The following LRRC4C variants were observed in gnomAD, a reference collection of about 807,000 sequenced individuals.
The protein encoded by LRRC4C is leucine rich repeat containing 4C, also known as leucine-rich repeat-containing protein 4C.
In LRRC4C, 5 loss-of-function variants were observed where a neutral mutation model predicts 33.6. The ratio of observed to expected loss-of-function variants is 0.15; its 90% CI spans 0.08 to 0.31. The LOEUF (loss-of-function observed/expected upper bound fraction) is 0.31. LRRC4C is among the 10% of genes least tolerant of loss of function. The pLI, the probability that LRRC4C is intolerant of heterozygous loss-of-function variation, is 1.00. For synonymous variants in LRRC4C, 329 were observed against 302.0 expected (o/e 1.09, Z -0.93); for missense variants, 560 against 796.7 (o/e 0.70, Z 3.58).
intron 2 of LRRC4C, among the ~76,000 whole-genome samples, chr11:40,818,877 C>T (rs117724878): frequency 1.3e-5 from 2 of 152,098 alleles, no homozygotes; most frequent in African/African-American, 2.4e-5. Context: ...TAGCCTGTCA[C>T]TTCACTGAGG....
intron 2 of LRRC4C, among the ~76,000 whole-genome samples, chr11:40,820,688 C>T (rs1028599784): frequency 3.3e-5 from 5 of 151,736 alleles, no homozygotes; most frequent in African/African-American, 1.2e-4. Flanking sequence ...TAGAAGTAAA[C>T]ACCTTCATCT....
intron 5 of LRRC4C, among the ~76,000 whole-genome samples, chr11:40,198,894 T>G (rs116331971): frequency 6.6e-6 from 1 of 152,154 alleles, no homozygotes; most frequent in Non-Finnish European, 1.5e-5. Flanking sequence ...TCTCTAGAAG[T>G]TCCCCCCAGA....
intron 1 of LRRC4C, among the ~76,000 whole-genome samples, chr11:41,229,233 C>A (rs531019665): frequency 2.0e-5 from 3 of 152,174 alleles, no homozygotes; most frequent in Admixed American, 6.5e-5. Flanking sequence ...CAACAATGTG[C>A]ACACATAGAG....
chr11:40,987,638 TATATATATATATATCTC>T (rs769127984), intron 1 of LRRC4C, among the ~76,000 whole-genome samples: 1,161 of 74,504 alleles, frequency 0.016, 49 homozygotes, highest in African/African-American at 0.02. Context: ...ATGATATATA[TATATATATATATATCTC>T]ATATATATGA....
chr11:40,252,070 G>T (rs1866828307), intron 4 of LRRC4C, among the ~76,000 whole-genome samples: 1 of 152,060 alleles, frequency 6.6e-6, no homozygotes, highest in Non-Finnish European at 1.5e-5. Flanking sequence ...TTGATGACAT[G>T]ATTCAGGTGA....
chr11:40,732,289 G>A (rs773946605), intron 2 of LRRC4C, among the ~76,000 whole-genome samples: 8 of 152,110 alleles, frequency 5.3e-5, no homozygotes, highest in Non-Finnish European at 7.4e-5. Context: ...ACTCAAGGAG[G>A]TACAATAATT....
At chr11:40,565,244 G>T (rs578077221) in intron 3 of LRRC4C, among the ~76,000 whole-genome samples, 22 of 152,144 alleles carry the variant, frequency 1.4e-4, no homozygotes, top group Non-Finnish European at 2.8e-4. Flanking sequence ...GTGAGTCTGT[G>T]CATCATAAGA....
chr11:41,341,286 A>G (rs1951629285), intron 1 of LRRC4C, among the ~76,000 whole-genome samples: 1 of 152,102 alleles, frequency 6.6e-6, no homozygotes, highest in African/African-American at 2.4e-5. Context: ...GTTTTCGATT[A>G]AAAAAACTAA....
chr11:41,049,727 T>C (rs1387482808), intron 1 of LRRC4C, among the ~76,000 whole-genome samples: 1 of 152,224 alleles, frequency 6.6e-6, no homozygotes, highest in Admixed American at 6.5e-5. Context: ...TGATTCCATC[T>C]GGGCATTGGT....
chr11:40,465,205 C>G, intron 3 of LRRC4C, among the ~76,000 whole-genome samples: 1 of 151,784 alleles, frequency 6.6e-6, no homozygotes, highest in East Asian at 1.9e-4. Context: ...AACATACTCT[C>G]AAGAAAGAAA....
Position 41,150,787 on chromosome 11 carries a change from TAAATAAAATAAAATA to T in LRRC4C, c.-495-217079_-495-217065del, listed in dbSNP as rs145554538. 8.6e-3 allele frequency among the ~76,000 whole-genome samples: 1,283 copies of T among 148,646 alleles called. 27 individuals carry two copies. Among genetic ancestry groups the T allele is most frequent in the African/African-American group, 0.029 (1,195 of 40,540 alleles). On this transcript the variant is annotated intron_variant, in intron 1 of 6. Coordinates refer to ENST00000528697, the MANE Select transcript of LRRC4C (RefSeq NM_001258419.2). ...CTCCATCTCAAAATAAATAAATAAATAAATAAAATAAAATAAAATAAAATAAAATAAAATAAATAA... is the reference window on the plus strand; with the variant it reads ...CTCCATCTCAAAATAAATAAATAAATAAATAAAATAAAATAAAATAAATAA...
At chr11:40,724,986 C>T (rs986462825) in intron 2 of LRRC4C, among the ~76,000 whole-genome samples, 3 of 152,138 alleles carry the variant, frequency 2.0e-5, no homozygotes, top group African/African-American at 7.2e-5. Flanking sequence ...GGAAGATTCC[C>T]TCCCTTACTT....
At chr11:40,866,426 T>A (rs1954373840) in intron 2 of LRRC4C, among the ~76,000 whole-genome samples, 2 of 152,196 alleles carry the variant, frequency 1.3e-5, no homozygotes, top group Admixed American at 1.3e-4. Context: ...ACGTACATTT[T>A]CAATTATGCT....
rs539126102 is a variant in LRRC4C, at chr11:40,592,843, T to C, written c.-270+55299A>G. ...ATGAACCAGCTCTACTGGGTGTATCTTGTCTTTGGTTGAGAGAATGCTGAC... is the reference window on the plus strand; with the variant it reads ...ATGAACCAGCTCTACTGGGTGTATCCTGTCTTTGGTTGAGAGAATGCTGAC... On this transcript the variant is annotated intron_variant, in intron 3 of 6. Transcript: ENST00000528697. Among the ~76,000 whole-genome samples, 11 of 152,300 alleles carry C rather than the reference T, an allele frequency of 7.2e-5. 1 individual carries two copies. The South Asian group carries it at 2.3e-3, about 32-fold the overall frequency.
At chr11:40,785,281 C>T (rs1950368476) in intron 2 of LRRC4C, among the ~76,000 whole-genome samples, 1 of 152,148 alleles carries the variant, frequency 6.6e-6, no homozygotes, top group Non-Finnish European at 1.5e-5. Context: ...TCAGTCCCAT[C>T]ATTTTTCTAT....
At chr11:41,328,280 G>A (rs1951185001) in intron 1 of LRRC4C, among the ~76,000 whole-genome samples, 1 of 152,198 alleles carries the variant, frequency 6.6e-6, no homozygotes, top group Non-Finnish European at 1.5e-5. Context: ...TGCTGGAGGA[G>A]TGCTCCCCCT....
chr11:41,298,459 C>T (rs148375544), intron 1 of LRRC4C, among the ~76,000 whole-genome samples: 4 of 151,524 alleles, frequency 2.6e-5, no homozygotes, highest in African/African-American at 7.3e-5. Flanking sequence ...GTAAGCTAAA[C>T]GCAGTCATTA....
At chr11:40,833,239 T>C (rs916281081) in intron 2 of LRRC4C, among the ~76,000 whole-genome samples, 14 of 152,130 alleles carry the variant, frequency 9.2e-5, no homozygotes, top group African/African-American at 3.4e-4. Context: ...AAGTCTCTGC[T>C]GGGCATTATT....
intron 1 of LRRC4C, among the ~76,000 whole-genome samples, chr11:41,052,621 C>A (rs192393853): frequency 6.6e-4 from 100 of 151,936 alleles, no homozygotes; most frequent in African/African-American, 2.4e-3. Context: ...AGAAAAAAAT[C>A]TCATGTCTCT....
Sources: gnomAD v4.1 joint callset for allele counts (sites outside exome capture counted in the v4.1 genomes callset) on GRCh38, gnomAD v4.1.1 for gene constraint, MANE v1.5 for transcripts, NCBI Gene and HGNC (gene_info 2026-07-23, HGNC 2026-07-21) for gene names.